The following NRXN3 variants were observed in gnomAD, a reference collection of about 807,000 sequenced individuals.
NRXN3 encodes neurexin 3.
Under a neutral mutation model 137.6 loss-of-function variants are expected in NRXN3, and 32 were observed. The observed-to-expected ratio is 0.23, with a 90% CI of 0.18 to 0.31. The LOEUF (loss-of-function observed/expected upper bound fraction) is 0.31, where lower values mean the gene tolerates loss of function less well. NRXN3 is among the 10% of genes least tolerant of loss of function. The pLI is 1.00. For synonymous variants in NRXN3, 798 were observed against 784.5 expected, an observed-to-expected ratio of 1.02 and a Z score of -0.29; for missense variants, 1,574 against 2,062.5, an observed-to-expected ratio of 0.76 and a Z score of 4.59.
At chr14:79,002,286 G>A (rs923207916) in intron 15 of NRXN3, among the ~76,000 whole-genome samples, 9 of 152,026 alleles carry the variant, frequency 5.9e-5, no homozygotes, top group South Asian at 4.2e-4. Context: ...CATATACTAC[G>A]GTGGTTTGCT....
intron 5 of NRXN3, among the ~76,000 whole-genome samples, chr14:78,650,101 TC>T (rs2097725876): frequency 6.6e-6 from 1 of 152,154 alleles, no homozygotes; most frequent in Non-Finnish European, 1.5e-5. Flanking sequence ...TCTTTTCTTT[TC>T]TTTTATTTAG....
intron 17 of NRXN3, among the ~76,000 whole-genome samples, chr14:79,674,605 G>T (rs1223038208): frequency 2.6e-5 from 4 of 151,902 alleles, no homozygotes; most frequent in African/African-American, 9.7e-5. Context: ...CTTTTCCAAT[G>T]TCTTCCAAGA....
At chr14:78,798,071 A>G (rs1198607575) in intron 8 of NRXN3, among the ~76,000 whole-genome samples, 3 of 152,134 alleles carry the variant, frequency 2.0e-5, no homozygotes, top group African/African-American at 7.2e-5. Context: ...ATGTCCTCAC[A>G]TTTCAAAACC....
intron 16 of NRXN3, among the ~76,000 whole-genome samples, chr14:79,532,577 C>T (rs77706532): frequency 0.026 from 3,927 of 152,186 alleles, 125 homozygotes; most frequent in East Asian, 0.12. Flanking sequence ...GTTGTTACGA[C>T]GGCTTACTCT....
At chr14:79,789,981 C>A (rs931189819) in intron 19 of NRXN3, among the ~76,000 whole-genome samples, 3 of 152,088 alleles carry the variant, frequency 2.0e-5, no homozygotes, top group Admixed American at 6.6e-5. Flanking sequence ...AGTAAGGACA[C>A]CATAGACAGA....
chr14:78,956,347 T>G (rs927906037), intron 10 of NRXN3, among the ~76,000 whole-genome samples: 11 of 152,196 alleles, frequency 7.2e-5, no homozygotes, highest in African/African-American at 2.7e-4. Flanking sequence ...CTTTATTAAC[T>G]GGATCATTTT....
At chr14:78,196,503 G>A (rs191958285) in intron 1 of NRXN3, among the ~76,000 whole-genome samples, 137 of 152,280 alleles carry the variant, frequency 9.0e-4, no homozygotes, top group African/African-American at 3.1e-3. Context: ...CGGTCTCTGC[G>A]CCCTAAAGGA....
chr14:79,550,438 G>T (rs1342707057), intron 16 of NRXN3, among the ~76,000 whole-genome samples: 2 of 152,132 alleles, frequency 1.3e-5, no homozygotes, highest in East Asian at 3.8e-4. Flanking sequence ...CCTTCTTGCT[G>T]CCTCCTTGTT....
intron 17 of NRXN3, among the ~76,000 whole-genome samples, chr14:79,670,658 T>C (rs946575015): frequency 1.3e-5 from 2 of 152,208 alleles, no homozygotes; most frequent in South Asian, 4.1e-4. Context: ...ATGGTGCAAA[T>C]CTATCAACAA....
At position 78,670,476 on chromosome 14, in the gene NRXN3, G is replaced by A. The variant is rs1181326672; in HGVS notation, c.1221+19150G>A. 2.0e-5 allele frequency among the ~76,000 whole-genome samples: 3 copies of A among 152,278 alleles called. No individual in the cohort carries two copies. In the East Asian group the frequency reaches 5.8e-4, roughly 29 times the overall value. On this transcript the variant is annotated intron_variant, in intron 6 of 20. Transcript: ENST00000335750. ...CTGTGACTTAGAATGCCTAACCTGG[G>A]AATGCAGCCCAGTAGGTCTCAGCCT...
intron 4 of NRXN3, among the ~76,000 whole-genome samples, chr14:78,449,692 A>G (rs905124092): frequency 6.6e-6 from 1 of 152,250 alleles, no homozygotes; most frequent in Admixed American, 6.5e-5. Context: ...GTACAGATGA[A>G]GACACACACA....
At chr14:78,812,420 G>C (rs1019834464) in intron 10 of NRXN3, among the ~76,000 whole-genome samples, 1 of 152,182 alleles carries the variant, frequency 6.6e-6, no homozygotes, top group Non-Finnish European at 1.5e-5. Context: ...CCTCGTATCC[G>C]AAGCTACATC....
At chr14:79,475,938 A>G (rs1412800712) in intron 16 of NRXN3, among the ~76,000 whole-genome samples, 1 of 152,118 alleles carries the variant, frequency 6.6e-6, no homozygotes, top group African/African-American at 2.4e-5. Flanking sequence ...ATGAATCTAA[A>G]ATGCAACAAG....
At chr14:79,542,558 A>G (rs1194692921) in intron 16 of NRXN3, among the ~76,000 whole-genome samples, 1 of 152,168 alleles carries the variant, frequency 6.6e-6, no homozygotes, top group East Asian at 1.9e-4. Context: ...TAGTTGTAAT[A>G]GCATTTTCTC....
chr14:79,240,061 A>G lies in NRXN3; in HGVS notation c.3263-227160A>G, dbSNP rs557220831. On this transcript the variant is annotated intron_variant, in intron 15 of 20. Transcript: ENST00000335750. ...ATGGTAAAAAATTTTAGTTAGAAGG[A>G]ATTGATGATAAGTATTTAAGAAAAT... Among the ~76,000 whole-genome samples, 3 of 152,244 alleles carry G rather than the reference A, an allele frequency of 2.0e-5. No homozygotes were observed. In the South Asian group the frequency reaches 6.2e-4, roughly 32 times the overall value.
intron 15 of NRXN3, among the ~76,000 whole-genome samples, chr14:79,441,693 T>A (rs1390756345): frequency 6.6e-6 from 1 of 151,826 alleles, no homozygotes; most frequent in Non-Finnish European, 1.5e-5. Flanking sequence ...AAACAGAAAA[T>A]CTTAGAGGGG....
chr14:79,110,821 C>T (rs1198006503), intron 15 of NRXN3, among the ~76,000 whole-genome samples: 3 of 149,908 alleles, frequency 2.0e-5, no homozygotes, highest in Non-Finnish European at 3.0e-5. Flanking sequence ...GACGGAGTCT[C>T]GATCAGTCGC....
At chr14:79,633,879 A>G (rs2153943595) in intron 16 of NRXN3, among the ~76,000 whole-genome samples, 1 of 152,186 alleles carries the variant, frequency 6.6e-6, no homozygotes, top group Non-Finnish European at 1.5e-5. Flanking sequence ...AGTTTTGGCT[A>G]CCAAAACTCT....
At chr14:79,540,023 G>A (rs573151696) in intron 16 of NRXN3, among the ~76,000 whole-genome samples, 7 of 152,250 alleles carry the variant, frequency 4.6e-5, no homozygotes, top group African/African-American at 1.7e-4. Context: ...GTGAGAAGGA[G>A]AGGGAAAAAA....
Sources: allele counts gnomAD v4.1 joint callset (sites outside exome capture counted in the v4.1 genomes callset), GRCh38; gene constraint gnomAD v4.1.1; transcripts MANE v1.5; gene names NCBI Gene and HGNC (gene_info 2026-07-23, HGNC 2026-07-21).